The following KLHL1 variants were observed in gnomAD, a reference collection of about 807,000 sequenced individuals.
KLHL1 encodes kelch like family member 1.
Under a neutral mutation model 77.7 loss-of-function variants are expected in KLHL1, and 47 were observed. That is an observed-to-expected ratio of 0.60 (90% CI 0.48 to 0.77). The LOEUF (loss-of-function observed/expected upper bound fraction) is 0.77, where lower values mean the gene tolerates loss of function less well. Ranked by LOEUF, KLHL1 falls within the 30% of genes least tolerant of loss-of-function variation. The probability of loss-of-function intolerance (pLI) is 0.00; values close to 1 mark genes in which losing one functional copy is unlikely to be tolerated. For missense variants in KLHL1, 925 were observed against 910.8 expected (o/e 1.02, Z -0.20); for synonymous variants, 360 against 325.2 (o/e 1.11, Z -1.15).
chr13:69,928,519 C>A (rs552737993), intron 4 of KLHL1, among the ~76,000 whole-genome samples: 1 of 152,162 alleles, frequency 6.6e-6, no homozygotes, highest in African/African-American at 2.4e-5. Flanking sequence ...GTGTAAACAA[C>A]TCAAATGTCC....
At chr13:69,814,624 CAT>C (rs911583132) in intron 6 of KLHL1, among the ~76,000 whole-genome samples, 47 of 152,152 alleles carry the variant, frequency 3.1e-4, no homozygotes, top group African/African-American at 1.0e-3. Context: ...GACCAAGAAA[CAT>C]AAAAAATACT....
chr13:69,992,512 C>T (rs567514000), intron 1 of KLHL1, among the ~76,000 whole-genome samples: 4 of 151,974 alleles, frequency 2.6e-5, no homozygotes, highest in South Asian at 4.2e-4. Flanking sequence ...AGAGTATAAG[C>T]GGATGGTTGA....
chr13:69,953,664 C>A (rs577539388), intron 3 of KLHL1, among the ~76,000 whole-genome samples: 1 of 151,052 alleles, frequency 6.6e-6, no homozygotes, highest in Non-Finnish European at 1.5e-5. Flanking sequence ...CACAAGGTAG[C>A]AAAATTACAA....
At chr13:69,755,821 T>G (rs952708203) in intron 7 of KLHL1, among the ~76,000 whole-genome samples, 2 of 152,194 alleles carry the variant, frequency 1.3e-5, no homozygotes, top group Non-Finnish European at 1.5e-5. Flanking sequence ...GCATTTATAG[T>G]AAATAAAATG....
chr13:70,038,914 C>G (rs1417097659), intron 1 of KLHL1, among the ~76,000 whole-genome samples: 1 of 152,016 alleles, frequency 6.6e-6, no homozygotes, highest in Non-Finnish European at 1.5e-5. Flanking sequence ...TTCTAATACA[C>G]GTATCTTCAT....
At chr13:69,806,775 G>C (rs114851844) in intron 6 of KLHL1, among the ~76,000 whole-genome samples, 2,302 of 152,242 alleles carry the variant, frequency 0.015, 57 homozygotes, top group African/African-American at 0.051. Context: ...TTTGAGCCTG[G>C]AGTAACCTCA....
chr13:69,931,424 G>T (rs192321359), intron 4 of KLHL1, among the ~76,000 whole-genome samples: 69 of 151,788 alleles, frequency 4.5e-4, no homozygotes, highest in Non-Finnish European at 9.0e-4. Flanking sequence ...ACTTTGTCTT[G>T]CATAAAACAT....
chr13:69,750,295 G>A (rs2137946661), intron 7 of KLHL1, among the ~76,000 whole-genome samples: 1 of 151,588 alleles, frequency 6.6e-6, no homozygotes, highest in Non-Finnish European at 1.5e-5. Flanking sequence ...CAGTGATTAG[G>A]GTGACTGAAT....
At chr13:69,916,882 AT>A (rs1882462223) in intron 4 of KLHL1, among the ~76,000 whole-genome samples, 1 of 152,092 alleles carries the variant, frequency 6.6e-6, no homozygotes, top group Non-Finnish European at 1.5e-5. Context: ...TCTTATCAGA[AT>A]ATTGGTATTT....
chr13:69,811,703 A>C (rs1877888508), intron 6 of KLHL1, among the ~76,000 whole-genome samples: 1 of 152,166 alleles, frequency 6.6e-6, no homozygotes, highest in Non-Finnish European at 1.5e-5. Flanking sequence ...TTCACTGATT[A>C]TATGATTCTA....
chr13:70,095,013 G>A lies in KLHL1; in HGVS notation c.497+12190C>T, dbSNP rs1200156516. 4.6e-5 allele frequency among the ~76,000 whole-genome samples: 7 copies of A among 152,264 alleles called. No homozygotes were observed. In the East Asian group the frequency reaches 5.8e-4, roughly 13 times the overall value. ...AAAGTAGTTTCTTCCTTATGTCTGA[G>A]CCTGGGTATCTCTCTTTTTACAGCT... On this transcript the variant is annotated intron_variant, in intron 1 of 10. Coordinates refer to ENST00000377844, the MANE Select transcript of KLHL1 (RefSeq NM_020866.3).
At chr13:69,801,603 T>C (rs1029414457) in intron 6 of KLHL1, among the ~76,000 whole-genome samples, 3 of 152,106 alleles carry the variant, frequency 2.0e-5, no homozygotes, top group East Asian at 3.9e-4. Context: ...TCGTAAAGTA[T>C]CTTAACCTGA....
intron 4 of KLHL1, among the ~76,000 whole-genome samples, chr13:69,892,239 T>A (rs1047470230): frequency 1.3e-5 from 2 of 152,176 alleles, no homozygotes; most frequent in Non-Finnish European, 2.9e-5. Context: ...AAAAGCCATA[T>A]GTTTTTAACA....
chr13:69,990,135 T>G (rs2137311646), intron 1 of KLHL1, among the ~76,000 whole-genome samples: 1 of 152,068 alleles, frequency 6.6e-6, no homozygotes, highest in Non-Finnish European at 1.5e-5. Context: ...GCTGAAGGAA[T>G]TTGTTATCAA....
intron 6 of KLHL1, among the ~76,000 whole-genome samples, chr13:69,836,914 G>A (rs1298257780): frequency 6.6e-6 from 1 of 151,770 alleles, no homozygotes; most frequent in Non-Finnish European, 1.5e-5. Flanking sequence ...TATTATATAT[G>A]TGATTAAATA....
rs950257249 is a variant in KLHL1, at chr13:69,957,399, G to T, written c.817+3909C>A. On this transcript the variant is annotated intron_variant, in intron 3 of 10. Transcript: ENST00000377844. ...ATTCTATCAGTTTTCTATACAGATG[G>T]TTCCTGACTTATCAGGATTTGACTT... is the stretch of plus-strand genomic sequence containing the variant. 2.6e-5 allele frequency among the ~76,000 whole-genome samples: 4 copies of T among 151,630 alleles called. No individual in the cohort carries two copies. In the East Asian group the frequency reaches 7.8e-4, roughly 29 times the overall value.
chr13:70,055,905 GA>G (rs1446837147), intron 1 of KLHL1, among the ~76,000 whole-genome samples: 1 of 151,782 alleles, frequency 6.6e-6, no homozygotes, highest in East Asian at 1.9e-4. Context: ...AAGAAAGGGG[GA>G]AAAAAGACCA....
intron 6 of KLHL1, among the ~76,000 whole-genome samples, chr13:69,819,660 C>T (rs1405343393): frequency 6.6e-6 from 1 of 152,010 alleles, no homozygotes; most frequent in African/African-American, 2.4e-5. Context: ...TTTAATTCTC[C>T]TTCACTTGTC....
At chr13:70,025,337 C>T (rs1885914377) in intron 1 of KLHL1, among the ~76,000 whole-genome samples, 1 of 151,882 alleles carries the variant, frequency 6.6e-6, no homozygotes, top group Admixed American at 6.6e-5. Flanking sequence ...ATTTAGTTGA[C>T]TTTGAGGTGG....
Sources: allele counts gnomAD v4.1 joint callset (sites outside exome capture counted in the v4.1 genomes callset), GRCh38; gene constraint gnomAD v4.1.1; transcripts MANE v1.5; gene names NCBI Gene and HGNC (gene_info 2026-07-23, HGNC 2026-07-21).